The following PCDH17 variants were observed in gnomAD, a reference collection of about 807,000 sequenced individuals.
PCDH17 encodes the protein protocadherin-17.
PCDH17 carries 21 observed loss-of-function variants against 67.7 expected under a neutral mutation model. That is an observed-to-expected ratio of 0.31 (90% CI 0.22 to 0.45). The LOEUF (loss-of-function observed/expected upper bound fraction) is 0.45, where lower values mean the gene tolerates loss of function less well. Among genes scored for constraint, PCDH17 ranks in the 20% least tolerant of loss-of-function variants. PCDH17 has a pLI of 1.00. For synonymous variants in PCDH17, 701 were observed against 656.7 expected (o/e 1.07, Z -1.03); for missense variants, 1,471 against 1,564.8 (o/e 0.94, Z 1.01).
intron 3 of PCDH17, among the ~76,000 whole-genome samples, chr13:57,669,818 CA>C (rs1446394310): frequency 2.6e-5 from 4 of 151,966 alleles, no homozygotes; most frequent in Non-Finnish European, 5.9e-5. Flanking sequence ...CTCAAATAAC[CA>C]TTTTGACTCA....
rs1305320219 is a variant in PCDH17 at position 57,636,553 on chromosome 13, G to A, written c.2565+1442G>A. Among the ~76,000 whole-genome samples the A allele has an allele frequency of 4.6e-5, 7 of 152,100 alleles. No homozygotes were observed. In the East Asian group the frequency reaches 1.4e-3, roughly 29 times the overall value. ...ACTACTAAATATTAAAATATCAATT[G>A]TAGTATTAAATCTCACTTCTAATAG... On this transcript the variant is annotated intron_variant, in intron 1 of 3. Transcript: ENST00000377918.
chr13:57,684,864 T>C (rs1955491615), intron 3 of PCDH17, among the ~76,000 whole-genome samples: 1 of 151,996 alleles, frequency 6.6e-6, no homozygotes, highest in African/African-American at 2.4e-5. Context: ...GATACATGTA[T>C]TAGTGCCATC....
chr13:57,716,306 T>C (rs1015795813), intron 3 of PCDH17, among the ~76,000 whole-genome samples: 1 of 152,048 alleles, frequency 6.6e-6, no homozygotes, highest in Non-Finnish European at 1.5e-5. Context: ...GCATTAAATT[T>C]GGTCTTTTAC....
At chr13:57,653,153 T>G (rs535278362) in intron 1 of PCDH17, among the ~76,000 whole-genome samples, 1 of 152,234 alleles carries the variant, frequency 6.6e-6, no homozygotes, top group Admixed American at 6.5e-5. Context: ...TTAAATTTAT[T>G]TAATTTTATT....
At chr13:57,707,372 T>TGTGTGTGTG in intron 3 of PCDH17, among the ~76,000 whole-genome samples, 3 of 147,628 alleles carry the variant, frequency 2.0e-5, no homozygotes, top group South Asian at 2.1e-4. Context: ...TGTGTGTGTG[T>TGTGTGTGTG]TCATAATAAA....
Position 57,728,469 on chromosome 13 carries a change from A to G in PCDH17, c.*3175A>G, listed in dbSNP as rs1253796077. On this transcript the variant is annotated 3_prime_UTR_variant, in exon 4 of 4. Coordinates refer to ENST00000377918, the MANE Select transcript of PCDH17 (RefSeq NM_001040429.3). ...CACAGAAAAAAAAATCACTTCATGG[A>G]AATTTCAGTAAGAAACCCAAACTTC... 1 of 149,620 alleles carries G rather than the reference A, an allele frequency of 6.7e-6. No homozygotes were observed. Among genetic ancestry groups the G allele is most frequent in the Admixed American group, 6.7e-5 (1 of 14,908 alleles). The allele number at this position is 149,620 out of a possible 1,614,324, so 9.3% of individuals were successfully genotyped here.
intron 3 of PCDH17, among the ~76,000 whole-genome samples, chr13:57,684,452 G>A (rs1285918526): frequency 6.6e-6 from 1 of 151,762 alleles, no homozygotes; most frequent in Admixed American, 6.6e-5. Context: ...CTTCTCAAAT[G>A]TACTCTAATT....
rs753220084 is a variant in PCDH17 at position 57,633,047 on chromosome 13, C to A, written c.501C>A (p.Arg167=). 5.0e-6 allele frequency: 8 copies of A among 1,613,098 alleles called. No individual in the cohort carries two copies. Among genetic ancestry groups the A allele is most frequent in the Middle Eastern group, 1.6e-4 (1 of 6,062 alleles). Residue 167 remains arginine (R), a synonymous_variant, in exon 1 of 4, where the codon CGC becomes CGA. Coordinates refer to ENST00000377918, the MANE Select transcript of PCDH17 (RefSeq NM_001040429.3). The surrounding 1 kb of genome is among the most constrained non-coding windows in gnomAD (Gnocchi z 6.2). The part of the protein sequence containing the change: ...HDPDAGENGL[R]TYLLTRDDHG... ...CCGACGCCGGCGAGAATGGGCTCCG[C>A]ACCTACCTGCTCACGCGCGACGATC...
chr13:57,719,164 A>G (rs1955851397), intron 3 of PCDH17, among the ~76,000 whole-genome samples: 1 of 152,046 alleles, frequency 6.6e-6, no homozygotes, highest in Non-Finnish European at 1.5e-5. Context: ...GGGAACAAAT[A>G]AAAACTGGAC....
At position 57,658,355 on chromosome 13, in the gene PCDH17, G is replaced by C. The variant is rs80272008; in HGVS notation, c.2566-8113G>C. ...TCTCTTTCAGGATCAAAATTAACGTGAGGCAAGGGAGGTAGTTAAGGCACA... is the reference window on the plus strand; with the variant it reads ...TCTCTTTCAGGATCAAAATTAACGTCAGGCAAGGGAGGTAGTTAAGGCACA... On this transcript the variant is annotated intron_variant, in intron 1 of 3. Coordinates refer to ENST00000377918, the MANE Select transcript of PCDH17 (RefSeq NM_001040429.3). 9.1e-3 allele frequency among the ~76,000 whole-genome samples: 1,383 copies of C among 152,140 alleles called. 12 individuals carry two copies. Among genetic ancestry groups the C allele is most frequent in the South Asian group, 0.033 (160 of 4,804 alleles).
intron 1 of PCDH17, among the ~76,000 whole-genome samples, chr13:57,648,430 T>G (rs905487240): frequency 5.3e-5 from 8 of 152,002 alleles, no homozygotes; most frequent in African/African-American, 1.9e-4. Context: ...AGCTGCCATT[T>G]TGGACAACAG....
rs2137964860 is a variant in PCDH17 at position 57,632,082 on chromosome 13, G to A, written c.-465G>A. On this transcript the variant is annotated 5_prime_UTR_variant, in exon 1 of 4. Transcript: ENST00000377918. ...TGCTCCCTCCCCCACTCGATGTGAA[G>A]AGTATTCCGGAGTCTCCGGGCGGGA... 1 of 203,360 alleles carries A rather than the reference G, an allele frequency of 4.9e-6. No individual in the cohort carries two copies. The highest frequency in any genetic ancestry group is 5.5e-5 in the Admixed American group (1 of 18,198). 12.6% of individuals were successfully genotyped at this position (203,360 alleles called of 1,614,324 possible). A position where few individuals can be genotyped will look rare whatever the true frequency, so the allele number is the denominator to read the frequency against.
chr13:57,646,286 T>C (rs1483143611), intron 1 of PCDH17, among the ~76,000 whole-genome samples: 1 of 151,670 alleles, frequency 6.6e-6, no homozygotes, highest in Non-Finnish European at 1.5e-5. Flanking sequence ...TGTTGTCCAT[T>C]TCAGTATTGT....
chr13:57,682,174 A>G (rs939301930), intron 3 of PCDH17, among the ~76,000 whole-genome samples: 2 of 151,664 alleles, frequency 1.3e-5, no homozygotes, highest in African/African-American at 2.4e-5. Flanking sequence ...TTATACTCCT[A>G]CAATTTACCT....
At chr13:57,709,805 T>G (rs1402992457) in intron 3 of PCDH17, 1 of 152,290 alleles carries the variant, frequency 6.6e-6, no homozygotes, top group Non-Finnish European at 1.5e-5. Flanking sequence ...AAATTTTACT[T>G]GTTAGATGAT....
chr13:57,721,413 T>A (rs927389550), intron 3 of PCDH17, among the ~76,000 whole-genome samples: 3 of 152,132 alleles, frequency 2.0e-5, no homozygotes, highest in Admixed American at 1.3e-4. Context: ...ATCTAAATAA[T>A]TTGCTTTTTT....
chr13:57,698,873 A>G (rs1210325018), intron 3 of PCDH17, among the ~76,000 whole-genome samples: 1 of 152,024 alleles, frequency 6.6e-6, no homozygotes, highest in African/African-American at 2.4e-5. Context: ...AGCACCTTGT[A>G]GAAAATCAGA....
At chr13:57,698,472 C>T (rs1451605621) in intron 3 of PCDH17, among the ~76,000 whole-genome samples, 2 of 151,838 alleles carry the variant, frequency 1.3e-5, no homozygotes, top group Non-Finnish European at 2.9e-5. Flanking sequence ...AAAAATCATG[C>T]TGCTTTCTCG....
chr13:57,712,122 G>A (rs1955782347), intron 3 of PCDH17, among the ~76,000 whole-genome samples: 1 of 151,608 alleles, frequency 6.6e-6, no homozygotes, highest in Non-Finnish European at 1.5e-5. Context: ...TTTAAAGAAT[G>A]AGCTTTAAAA....
Sources: allele counts gnomAD v4.1 joint callset (sites outside exome capture counted in the v4.1 genomes callset), GRCh38; gene constraint gnomAD v4.1.1; non-coding constraint Gnocchi (gnomAD v3.1); transcripts MANE v1.5; gene names NCBI Gene and HGNC (gene_info 2026-07-23, HGNC 2026-07-21).